DCC: variants seen among roughly 807,000 people sequenced by gnomAD.
DCC encodes netrin receptor DCC.
A neutral mutation model predicts 172.5 loss-of-function variants in DCC; 58 were observed. The ratio of observed to expected loss-of-function variants is 0.34; its 90% CI spans 0.27 to 0.42. The LOEUF is 0.42. Among genes scored for constraint, DCC ranks in the 10% least tolerant of loss-of-function variants. The pLI is 1.00. For synonymous variants in DCC, 709 were observed against 644.5 expected (o/e 1.10, Z -1.52); for missense variants, 1,740 against 1,791.0 (o/e 0.97, Z 0.51).
chr18:53,483,617 T>A (rs1195729310), intron 25 of DCC, among the ~76,000 whole-genome samples: 2 of 151,918 alleles, frequency 1.3e-5, no homozygotes, highest in African/African-American at 4.8e-5. Flanking sequence ...AAACATGATC[T>A]ATTTTTATGT....
At chr18:53,336,697 AAAAAT>A (rs974920311) in intron 14 of DCC, among the ~76,000 whole-genome samples, 2 of 152,182 alleles carry the variant, frequency 1.3e-5, no homozygotes, top group African/African-American at 2.4e-5. Flanking sequence ...ACAAAAACAT[AAAAAT>A]AAAATAAGTA....
chr18:53,411,294 A>G (rs1380560354), intron 20 of DCC, among the ~76,000 whole-genome samples: 3 of 152,168 alleles, frequency 2.0e-5, no homozygotes, highest in Non-Finnish European at 4.4e-5. Flanking sequence ...TCATTTAACA[A>G]TTGAAAATAA....
At chr18:53,441,385 G>A (rs1354591237) in intron 22 of DCC, among the ~76,000 whole-genome samples, 1 of 151,934 alleles carries the variant, frequency 6.6e-6, no homozygotes, top group Non-Finnish European at 1.5e-5. Flanking sequence ...TCCATGGATC[G>A]GAATTCCATC....
intron 1 of DCC, among the ~76,000 whole-genome samples, chr18:52,659,343 A>T (rs1309319781): frequency 1.3e-5 from 2 of 152,190 alleles, no homozygotes; most frequent in Admixed American, 6.5e-5. Context: ...GGGACCAAGT[A>T]ACCTAAATAT....
At chr18:53,056,762 C>T (rs2042410021) in intron 5 of DCC, among the ~76,000 whole-genome samples, 1 of 152,040 alleles carries the variant, frequency 6.6e-6, no homozygotes, top group Non-Finnish European at 1.5e-5. Flanking sequence ...ATCACAGCCA[C>T]TCAAAGATTA....
intron 12 of DCC, among the ~76,000 whole-genome samples, chr18:53,305,193 G>A (rs1395446524): frequency 6.6e-6 from 1 of 152,104 alleles, no homozygotes; most frequent in African/African-American, 2.4e-5. Context: ...TTAATTAGCA[G>A]TGTGAGAACA....
chr18:53,185,935 AAGTT>A (rs755818973), intron 9 of DCC, among the ~76,000 whole-genome samples: 1 of 152,208 alleles, frequency 6.6e-6, no homozygotes, highest in African/African-American at 2.4e-5. Flanking sequence ...TTATTTACTT[AAGTT>A]AGTTAATCAC....
chr18:52,744,548 T>C (rs1290103560), intron 1 of DCC, among the ~76,000 whole-genome samples: 1 of 152,240 alleles, frequency 6.6e-6, no homozygotes, highest in African/African-American at 2.4e-5. Context: ...GGAATGAATG[T>C]ACTCTTTTAA....
chr18:52,601,831 C>G (rs2034023913), intron 1 of DCC, among the ~76,000 whole-genome samples: 1 of 152,002 alleles, frequency 6.6e-6, no homozygotes, highest in Admixed American at 6.6e-5. Context: ...AACTCTAAAA[C>G]CTTTGTATTC....
chr18:53,248,551 A>G (rs986640987), intron 12 of DCC, among the ~76,000 whole-genome samples: 1 of 152,046 alleles, frequency 6.6e-6, no homozygotes, highest in Non-Finnish European at 1.5e-5. Context: ...ATCCTTCTCC[A>G]TAGGAGATAA....
chr18:53,166,289 A>G (rs2054920745), intron 8 of DCC, among the ~76,000 whole-genome samples: 1 of 152,166 alleles, frequency 6.6e-6, no homozygotes, highest in East Asian at 1.9e-4. Context: ...ATTCAGTTTC[A>G]GACAAGTTGT....
intron 12 of DCC, among the ~76,000 whole-genome samples, chr18:53,224,175 A>G (rs2144598971): frequency 6.6e-6 from 1 of 152,310 alleles, no homozygotes; most frequent in Middle Eastern, 3.4e-3. Context: ...ATGCGATAGA[A>G]TTTGAGGACC....
At chr18:53,315,488 T>C (rs1428774356) in intron 13 of DCC, among the ~76,000 whole-genome samples, 2 of 152,194 alleles carry the variant, frequency 1.3e-5, no homozygotes, top group Admixed American at 6.5e-5. Flanking sequence ...AGTAATGGGA[T>C]CGCTGGGTCA....
At chr18:53,278,497 T>C (rs2144722280) in intron 12 of DCC, among the ~76,000 whole-genome samples, 1 of 152,238 alleles carries the variant, frequency 6.6e-6, no homozygotes, top group Admixed American at 6.6e-5. Flanking sequence ...TACTATTGTC[T>C]CTGCATTAAT....
intron 5 of DCC, among the ~76,000 whole-genome samples, chr18:53,047,397 ATGT>A (rs2042263853): frequency 8.5e-6 from 1 of 117,778 alleles, no homozygotes; most frequent in Non-Finnish European, 1.7e-5. Context: ...TATATAAAAT[ATGT>A]TATATATTTT....
At chr18:52,346,198 G>C (rs1382742729) in intron 1 of DCC, among the ~76,000 whole-genome samples, 1 of 152,174 alleles carries the variant, frequency 6.6e-6, no homozygotes, top group Non-Finnish European at 1.5e-5. Context: ...AATAAAAAAT[G>C]TGCAAGATAG....
At chr18:53,476,258 A>G (rs2145199334) in intron 25 of DCC, among the ~76,000 whole-genome samples, 1 of 152,176 alleles carries the variant, frequency 6.6e-6, no homozygotes, top group African/African-American at 2.4e-5. Context: ...ACTTTGGGGG[A>G]CCATTGGAAA....
intron 27 of DCC, among the ~76,000 whole-genome samples, chr18:53,502,643 T>C (rs2046117773): frequency 6.6e-6 from 1 of 152,200 alleles, no homozygotes; most frequent in African/African-American, 2.4e-5. Context: ...CAAATAATTT[T>C]ACTGTGGATT....
intron 2 of DCC, among the ~76,000 whole-genome samples, chr18:52,841,052 G>T (rs1387228516): frequency 6.6e-6 from 1 of 152,182 alleles, no homozygotes; most frequent in Non-Finnish European, 1.5e-5. Flanking sequence ...CGTGAAAAAG[G>T]CATTCAGGTT....
Sources: allele counts gnomAD v4.1 joint callset (sites outside exome capture counted in the v4.1 genomes callset), GRCh38; gene constraint gnomAD v4.1.1; transcripts MANE v1.5; gene names NCBI Gene and HGNC (gene_info 2026-07-23, HGNC 2026-07-21).